Variants in NTNG2 observed in about 807,000 individuals in gnomAD.
NTNG2 encodes netrin G2, also known as netrin-G2.
NTNG2 carries 15 observed loss-of-function variants against 47.6 expected under a neutral mutation model. That is an observed-to-expected ratio of 0.32 (90% CI 0.21 to 0.49). The LOEUF is 0.49. Among genes scored for constraint, NTNG2 ranks in the 20% least tolerant of loss-of-function variants. NTNG2 has a pLI of 0.99. For synonymous variants in NTNG2, 307 were observed against 324.6 expected, an observed-to-expected ratio of 0.95 and a Z score of 0.58; for missense variants, 578 against 764.6, an observed-to-expected ratio of 0.76 and a Z score of 2.88.
chr9:132,205,084 T>G (rs1446241529), intron 3 of NTNG2, among the ~76,000 whole-genome samples: 1 of 152,122 alleles, frequency 6.6e-6, no homozygotes, highest in Non-Finnish European at 1.5e-5. Flanking sequence ...ACAAGTTACA[T>G]GTAGATTTAG....
rs982586798 is a variant in NTNG2, at chr9:132,197,565, CAGG to C, written c.214-396_214-394del. Among the ~76,000 whole-genome samples, 16 of 152,040 alleles carry C rather than the reference CAGG, an allele frequency of 1.1e-4. No individual in the cohort carries two copies. The highest frequency in any genetic ancestry group is 3.9e-4 in the African/African-American group (16 of 41,382). On this transcript the variant is annotated intron_variant, in intron 2 of 7. Transcript: ENST00000393229. The surrounding 1 kb of genome is among the most constrained non-coding windows in gnomAD (Gnocchi z 4.3). ...GCTCAGAGGTACAACCAGGCAGGGG[CAGG>C]AGGACAGCTGTCCCGGGGAGGCCCA...
rs1842139983 is a variant in NTNG2, at chr9:132,244,205, G to A, written c.*2094G>A. 1 of 152,236 alleles carries A rather than the reference G, an allele frequency of 6.6e-6. No individual in the cohort carries two copies. The highest frequency in any genetic ancestry group is 2.1e-4 in the South Asian group (1 of 4,826). 9.4% of individuals were successfully genotyped at this position (152,236 alleles called of 1,614,324 possible). A position where few individuals can be genotyped will look rare whatever the true frequency, so the allele number is the denominator to read the frequency against. On this transcript the variant is annotated 3_prime_UTR_variant, in exon 8 of 8. Coordinates refer to ENST00000393229, the MANE Select transcript of NTNG2 (RefSeq NM_032536.4). ...CTCTCATCCCTCCCTCTGCTCTTCA[G>A]TCAGCAGGATGGGGAAGGAGCCTTC...
At chr9:132,184,696 G>T (rs1022104711) in intron 2 of NTNG2, among the ~76,000 whole-genome samples, 1 of 152,228 alleles carries the variant, frequency 6.6e-6, no homozygotes, top group Non-Finnish European at 1.5e-5. Flanking sequence ...GGCCGAGGCG[G>T]GTGGATCACC....
At chr9:132,238,978 G>A (rs2274853) in intron 5 of NTNG2, 126 bp from the exon 6 acceptor site, 183,041 of 981,146 alleles carry the variant, frequency 0.19, 20,420 homozygotes, top group Admixed American at 0.42. Context: ...GGCACCTTCC[G>A]GTACCTTTTC....
chr9:132,229,003 G>T (rs1274696054), intron 4 of NTNG2, among the ~76,000 whole-genome samples: 1 of 152,086 alleles, frequency 6.6e-6, no homozygotes, highest in African/African-American at 2.4e-5. Flanking sequence ...AGTCTAGCCA[G>T]CGATGGATAG....
At chr9:132,229,263 A>C (rs1450849939) in intron 4 of NTNG2, among the ~76,000 whole-genome samples, 1 of 151,908 alleles carries the variant, frequency 6.6e-6, no homozygotes, top group Admixed American at 6.6e-5. Flanking sequence ...ACAGAGGCTA[A>C]TTTTGCCCTC....
rs1835270490 is a variant in NTNG2 at position 132,163,682 on chromosome 9, C to T, written c.-484+1443C>T. 6.6e-6 allele frequency among the ~76,000 whole-genome samples: 1 copy of T among 152,124 alleles called. No homozygotes were observed. Among genetic ancestry groups the T allele is most frequent in the Admixed American group, 6.5e-5 (1 of 15,288 alleles). On this transcript the variant is annotated intron_variant, in intron 1 of 7. Coordinates refer to ENST00000393229, the MANE Select transcript of NTNG2 (RefSeq NM_032536.4). This position sits in a 1 kb window ranked among gnomAD's most constrained non-coding sequence, Gnocchi z 7.2. ...CCCTCCCTCCCGTGCCCCCAGGGGC[C>T]CCGCGCCCGCCGCGGCAAGTTTCCC...
At chr9:132,223,319 C>T (rs1466061577) in intron 3 of NTNG2, among the ~76,000 whole-genome samples, 1 of 152,120 alleles carries the variant, frequency 6.6e-6, no homozygotes, top group Non-Finnish European at 1.5e-5. Context: ...GAAGGCGGCC[C>T]CCAGGGGACC....
At chr9:132,238,826 G>A in intron 5 of NTNG2, 1 of 506,724 alleles carries the variant, frequency 2.0e-6, no homozygotes, top group Non-Finnish European at 3.6e-6. Flanking sequence ...GCATTAGCAG[G>A]AGCTGCCCAC....
chr9:132,225,476 C>T (rs944815033), intron 3 of NTNG2, among the ~76,000 whole-genome samples: 2 of 152,100 alleles, frequency 1.3e-5, no homozygotes, highest in Admixed American at 1.3e-4. Context: ...TACTATGTTA[C>T]CCAGTCTGGC....
Position 132,241,902 on chromosome 9 carries a change from C to T in NTNG2, c.1384C>T (p.Leu462=). 6.3e-7 allele frequency: 1 copy of T among 1,578,182 alleles called. No individual in the cohort carries two copies. Among genetic ancestry groups the T allele is most frequent in the Non-Finnish European group, 8.6e-7 (1 of 1,168,624 alleles). Residue 462 remains leucine, a synonymous_variant, in exon 8 of 8, where the codon CTG becomes TTG. Transcript: ENST00000393229. ...YPNVCDDDQL[L]CQNGGTCLQN... ...CAACGTGTGCGACGACGACCAGCTG[C>T]TGTGCCAGAACGGAGGCACCTGCCT...
At position 132,208,954 on chromosome 9, in the gene NTNG2, A is replaced by G. The variant is rs1402174082; in HGVS notation, c.857+10345A>G. Among the ~76,000 whole-genome samples the G allele has an allele frequency of 1.3e-5, 2 of 151,974 alleles. No individual in the cohort carries two copies. The highest frequency in any genetic ancestry group is 2.9e-5 in the Non-Finnish European group (2 of 68,000). The stretch of plus-strand genomic sequence containing the variant: ...AGTCGTGCGGCAGGTGGCTTTTTCA[A>G]GGGGTCTCCTTCGTTCTCACTGTGC... On this transcript the variant is annotated intron_variant, in intron 3 of 7. Coordinates refer to ENST00000393229, the MANE Select transcript of NTNG2 (RefSeq NM_032536.4). This position sits in a 1 kb window ranked among gnomAD's most constrained non-coding sequence, Gnocchi z 4.0.
At chr9:132,198,848 C>T (rs1838527037) in intron 3 of NTNG2, among the ~76,000 whole-genome samples, 1 of 152,088 alleles carries the variant, frequency 6.6e-6, no homozygotes, top group African/African-American at 2.4e-5. Flanking sequence ...GTATGTGACA[C>T]ATCCCCTGGT....
intron 1 of NTNG2, among the ~76,000 whole-genome samples, chr9:132,164,862 G>A (rs1835388345): frequency 6.6e-6 from 1 of 152,238 alleles, no homozygotes; most frequent in Non-Finnish European, 1.5e-5. Context: ...CTGGCTGGGG[G>A]CTGCTCCGAG....
At chr9:132,187,980 C>A (rs1452190874) in intron 2 of NTNG2, among the ~76,000 whole-genome samples, 1 of 152,268 alleles carries the variant, frequency 6.6e-6, no homozygotes, top group Non-Finnish European at 1.5e-5. Context: ...CAAGGTCACA[C>A]ATGGTGTTAG....
At chr9:132,193,673 G>A (rs879269252) in intron 2 of NTNG2, among the ~76,000 whole-genome samples, 2 of 152,086 alleles carry the variant, frequency 1.3e-5, no homozygotes, top group African/African-American at 2.4e-5. Flanking sequence ...CTCCCAATTC[G>A]TCTCTACCCC....
Position 132,197,323 on chromosome 9 carries a change from A to G in NTNG2, c.214-643A>G, listed in dbSNP as rs1159022764. 6.6e-6 allele frequency among the ~76,000 whole-genome samples: 1 copy of G among 152,142 alleles called. No individual in the cohort carries two copies. Among genetic ancestry groups the G allele is most frequent in the African/African-American group, 2.4e-5 (1 of 41,420 alleles). On this transcript the variant is annotated intron_variant, in intron 2 of 7. Transcript: ENST00000393229. This position sits in a 1 kb window ranked among gnomAD's most constrained non-coding sequence, Gnocchi z 4.3. ...AGAATCGCTGGAACCTGGGAGGTGGAGGTTGCTGTGAGCCGAGATCGCCCC... is the reference window on the plus strand; with the variant it reads ...AGAATCGCTGGAACCTGGGAGGTGGGGGTTGCTGTGAGCCGAGATCGCCCC...
chr9:132,203,930 T>C (rs908815689), intron 3 of NTNG2, among the ~76,000 whole-genome samples: 1 of 152,200 alleles, frequency 6.6e-6, no homozygotes, highest in Non-Finnish European at 1.5e-5. Flanking sequence ...GAGTTCCCCA[T>C]TCCTGGAGGT....
rs887598049 is a variant in NTNG2, at chr9:132,221,512, G to A, written c.858-5337G>A. Among the ~76,000 whole-genome samples, 1 of 152,180 alleles carries A rather than the reference G, an allele frequency of 6.6e-6. No homozygotes were observed. The highest frequency in any genetic ancestry group is 1.5e-5 in the Non-Finnish European group (1 of 68,030). On this transcript the variant is annotated intron_variant, in intron 3 of 7. Coordinates refer to ENST00000393229, the MANE Select transcript of NTNG2 (RefSeq NM_032536.4). This position sits in a 1 kb window ranked among gnomAD's most constrained non-coding sequence, Gnocchi z 4.2. The stretch of plus-strand genomic sequence containing the variant: ...CAGGTGCCATGTGTGTGCCAGCCTT[G>A]CCAGCCTTTCCCCACACAGTGCCAG...
Sources: allele counts gnomAD v4.1 joint callset (sites outside exome capture counted in the v4.1 genomes callset), GRCh38; gene constraint gnomAD v4.1.1; non-coding constraint Gnocchi (gnomAD v3.1); transcripts MANE v1.5; gene names NCBI Gene and HGNC (gene_info 2026-07-23, HGNC 2026-07-21).